The following ENGASE variants were observed in gnomAD, a reference collection of about 807,000 sequenced individuals.
The protein encoded by ENGASE is endo-beta-N-acetylglucosaminidase.
A neutral mutation model predicts 78.5 loss-of-function variants in ENGASE; 69 were observed. The ratio of observed to expected loss-of-function variants is 0.88; its 90% CI spans 0.72 to 1.07. The LOEUF is 1.07. Ranked by LOEUF, ENGASE falls within the 50% of genes least tolerant of loss-of-function variation. ENGASE has a pLI of 0.00. For synonymous variants in ENGASE, 408 were observed against 408.9 expected (o/e 1.00, Z 0.03); for missense variants, 943 against 988.4 (o/e 0.95, Z 0.62).
intron 12 of ENGASE, 49 bp downstream of exon 12, chr17:79,085,391 T>G (rs759251925): frequency 1.3e-6 from 2 of 1,489,500 alleles, no homozygotes. Flanking sequence ...CAAGTCTCTG[T>G]TGGGAAACCC....
At position 79,087,141 on chromosome 17, in the gene ENGASE, G is replaced by T; in HGVS notation, c.*792G>T. ...TGGCCCTGCCTCTGCCCAGCGAGAGGCCGTGGGCTCTGGACAAGCCGCCCT... is the reference window on the plus strand; with the variant it reads ...TGGCCCTGCCTCTGCCCAGCGAGAGTCCGTGGGCTCTGGACAAGCCGCCCT... On this transcript the variant is annotated 3_prime_UTR_variant, in exon 14 of 14. Coordinates refer to ENST00000579016, the MANE Select transcript of ENGASE (RefSeq NM_001042573.3). 2.3e-6 allele frequency: 1 copy of T among 439,862 alleles called. No individual in the cohort carries two copies. 27.2% of individuals were successfully genotyped at this position (439,862 alleles called of 1,614,324 possible).
At chr17:79,077,936 G>GGGGGGC in intron 3 of ENGASE, 72 bp downstream of exon 3, 9 of 721,528 alleles carry the variant, frequency 1.2e-5, no homozygotes, top group East Asian at 4.1e-5. Context: ...GGAGGGGCGG[G>GGGGGGC]AGAGAGTGCC....
chr17:79,082,677 C>T, intron 7 of ENGASE: 1 of 1,321,528 alleles, frequency 7.6e-7, no homozygotes, highest in South Asian at 1.2e-5. Context: ...TAAATTAATC[C>T]AATAACTAAA....
Position 79,080,968 on chromosome 17 carries a change from C to G in ENGASE, c.767C>G (p.Thr256Ser). ...ATGCCTCCTTTCCTGCGGTACCTCA[C>G]CACACAGCTGCACCGGCAGGTCCCA... ...GNMPPFLRYL[T>S]TQLHRQVPGG... The change falls in exon 6 of 14, where the codon ACC (threonine) becomes AGC (serine). Residue 256 changes from threonine (T) to serine (S), a missense_variant. By Grantham distance (58) the Thr-to-Ser change is moderately conservative (BLOSUM62 1). Coordinates refer to ENST00000579016, the MANE Select transcript of ENGASE (RefSeq NM_001042573.3). 1.2e-6 allele frequency: 2 copies of G among 1,613,518 alleles called. No individual in the cohort carries two copies. The highest frequency in any genetic ancestry group is 1.7e-6 in the Non-Finnish European group (2 of 1,179,956).
At position 79,077,474 on chromosome 17, in the gene ENGASE, G is replaced by C. The variant is rs2072995624; in HGVS notation, c.191G>C (p.Ser64Thr). ...GAGACAGTCTTTCGAGAGGTGGTCA[G>C]TTTTTCCCCGGACCCCCTGCCAGGT... Reference protein sequence around the residue: ...EEETVFREVVSFSPDPLPVRY... With the variant: ...EEETVFREVVTFSPDPLPVRY... The change falls in exon 2 of 14, where the codon AGT becomes ACT. Residue 64 changes from serine to threonine, a missense_variant. Physicochemically the swap from Ser to Thr is moderately conservative, Grantham distance 58. Coordinates refer to ENST00000579016, the MANE Select transcript of ENGASE (RefSeq NM_001042573.3). 1 of 1,567,442 alleles carries C rather than the reference G, an allele frequency of 6.4e-7. No homozygotes were observed. The highest frequency in any genetic ancestry group is 8.6e-7 in the Non-Finnish European group (1 of 1,161,278).
In ENGASE at chr17:79,086,468, G is replaced by A. The variant is rs960014203; in HGVS notation, c.*119G>A. 3.1e-6 allele frequency: 4 copies of A among 1,280,220 alleles called. No individual in the cohort carries two copies. The African/African-American group carries it at 6.0e-5, about 19-fold the overall frequency. 79.3% of individuals were successfully genotyped at this position (1,280,220 alleles called of 1,614,324 possible). On this transcript the variant is annotated 3_prime_UTR_variant, in exon 14 of 14. Coordinates refer to ENST00000579016, the MANE Select transcript of ENGASE (RefSeq NM_001042573.3). ...CAGTGGCAGCGAGGTCCCGGTCCCG[G>A]GGCTGGGGTGGGAGACCCCGGGCTG...
chr17:79,075,257 C>A (rs1013238993), intron 1 of ENGASE, among the ~76,000 whole-genome samples, 167 bp downstream of exon 1: 67 of 152,136 alleles, frequency 4.4e-4, no homozygotes, highest in African/African-American at 1.6e-3. Context: ...CCGCCCCGGT[C>A]CGCCCCGCCG....
chr17:79,077,907 C>G, intron 3 of ENGASE, 43 bp downstream of exon 3: 4 of 1,046,524 alleles, frequency 3.8e-6, no homozygotes, highest in Admixed American at 2.1e-5. Flanking sequence ...CATTGTTCTC[C>G]TTTGCTGGGG....
chr17:79,081,749 T>TGTGGGGTGGGGGGGTGGG, intron 6 of ENGASE, 149 bp from the exon 7 acceptor site: 1 of 636,492 alleles, frequency 1.6e-6, no homozygotes, highest in South Asian at 2.1e-5. Flanking sequence ...GCTGAGGCTG[T>TGTGGGGTGGGGGGGTGGG]GTGGGGTGGG....
At chr17:79,082,424 C>T (rs2073169458) in intron 7 of ENGASE, 18 of 1,224,306 alleles carry the variant, frequency 1.5e-5, no homozygotes, top group Middle Eastern at 2.9e-4. Flanking sequence ...GGGCCTGCAG[C>T]GCCTCTCACT....
At chr17:79,080,138 G>T in intron 4 of ENGASE, 69 bp from the exon 5 acceptor site, 1 of 1,520,348 alleles carries the variant, frequency 6.6e-7, no homozygotes, top group Non-Finnish European at 8.8e-7. Flanking sequence ...CGAGAACCTC[G>T]CTTTGAAAAC....
At position 79,075,049 on chromosome 17, in the gene ENGASE, G is replaced by C; in HGVS notation, c.105G>C (p.Glu35Asp). 8.3e-7 allele frequency: 1 copy of C among 1,204,108 alleles called. No individual in the cohort carries two copies. Among genetic ancestry groups the C allele is most frequent in the Non-Finnish European group, 1.0e-6 (1 of 966,758 alleles). The allele number at this position is 1,204,108 out of a possible 1,614,324, so 74.6% of individuals were successfully genotyped here. Residue 35 changes from glutamate (E) to aspartate (D), a missense_variant, in exon 1 of 14, where the codon GAG (glutamate) becomes GAC (aspartate). Glu to Asp is a conservative substitution (Grantham distance 45, BLOSUM62 2). Coordinates refer to ENST00000579016, the MANE Select transcript of ENGASE (RefSeq NM_001042573.3). The part of the protein sequence containing the change: ...APEAGTQEEQ[E>D]DQEPRPRRRR... ...AGGCGGGGACGCAGGAGGAGCAGGA[G>C]GATCAGGAGCCGCGGCCGCGGCGGC...
rs1158027148 is a variant in ENGASE, at chr17:79,087,210, G to GC, written c.*867dup. 2.5e-5 allele frequency: 9 copies of GC among 364,224 alleles called. No homozygotes were observed. The highest frequency in any genetic ancestry group is 1.5e-4 in the East Asian group (2 of 13,530). 22.6% of individuals were successfully genotyped at this position (364,224 alleles called of 1,614,324 possible). A position where few individuals can be genotyped will look rare whatever the true frequency, so the allele number is the denominator to read the frequency against. On this transcript the variant is annotated 3_prime_UTR_variant, in exon 14 of 14. Coordinates refer to ENST00000579016, the MANE Select transcript of ENGASE (RefSeq NM_001042573.3). Reference sequence around the variant, plus strand: ...TCAGTCCAGGCAGGAAGCAGCACCTGCCCCCCGCGCCAGCCCAGCCCCAGC... The same window carrying GC: ...TCAGTCCAGGCAGGAAGCAGCACCTGCCCCCCCGCGCCAGCCCAGCCCCAGC...
intron 7 of ENGASE, 159 bp from the exon 8 acceptor site, chr17:79,082,861 T>G: frequency 6.4e-7 from 1 of 1,562,992 alleles, no homozygotes; most frequent in Non-Finnish European, 8.6e-7. Context: ...ACGGGGGTGA[T>G]GCCCAGCAGC....
chr17:79,082,199 G>T (rs1372659992), intron 7 of ENGASE, 136 bp downstream of exon 7: 11 of 1,566,048 alleles, frequency 7.0e-6, no homozygotes, highest in Non-Finnish European at 8.6e-6. Context: ...GGATCCCGTG[G>T]CACTGAGAAA....
chr17:79,080,632 G>A (rs1167856805), intron 5 of ENGASE, among the ~76,000 whole-genome samples: 1 of 152,180 alleles, frequency 6.6e-6, no homozygotes, highest in African/African-American at 2.4e-5. Context: ...CCTTTTCCGC[G>A]CTCTGCTCTG....
rs1449698158 is a variant in ENGASE, at chr17:79,080,340, G to C, written c.699G>C (p.Leu233=). ...ITQFFRFDGW[L]INIENSLSLA... is the part of the protein sequence containing the mutation. Reference sequence around the variant, plus strand: ...AGTTTTTTCGTTTTGATGGCTGGCTGATCAACATCGAGAACTCGCTGAGTG... The same window carrying C: ...AGTTTTTTCGTTTTGATGGCTGGCTCATCAACATCGAGAACTCGCTGAGTG... The change falls in exon 5 of 14, where the codon CTG becomes CTC. Residue 233 remains leucine (L), a synonymous_variant. Transcript: ENST00000579016. The C allele has an allele frequency of 6.2e-7, 1 of 1,613,648 alleles. No individual in the cohort carries two copies.
chr17:79,083,570 C>A lies in ENGASE; in HGVS notation c.1231C>A (p.Arg411=). 6.2e-7 allele frequency: 1 copy of A among 1,614,056 alleles called. No homozygotes were observed. The highest frequency in any genetic ancestry group is 8.5e-7 in the Non-Finnish European group (1 of 1,179,936). ...VTSFCLGMGA[R]RVCYGQEEAV... ...GTCCTTCTGCCTGGGCATGGGTGCACGGAGGGTCTGCTATGGCCAGGTGGG... is the reference window on the plus strand; with the variant it reads ...GTCCTTCTGCCTGGGCATGGGTGCAAGGAGGGTCTGCTATGGCCAGGTGGG... Residue 411 remains arginine (R), a synonymous_variant, in exon 9 of 14, where the codon CGG becomes AGG. Coordinates refer to ENST00000579016, the MANE Select transcript of ENGASE (RefSeq NM_001042573.3). This position sits in a 1 kb window ranked among gnomAD's most constrained non-coding sequence, Gnocchi z 4.9.
intron 5 of ENGASE, 48 bp downstream of exon 5, chr17:79,080,412 GC>G: frequency 6.3e-7 from 1 of 1,591,354 alleles, no homozygotes. Flanking sequence ...CTGTGTTGCC[GC>G]CCACCTCCAC....
Sources: gnomAD v4.1 joint callset for allele counts (sites outside exome capture counted in the v4.1 genomes callset) on GRCh38, gnomAD v4.1.1 for gene constraint, Gnocchi (gnomAD v3.1) non-coding constraint, MANE v1.5 for transcripts, NCBI Gene and HGNC (gene_info 2026-07-23, HGNC 2026-07-21) for gene names.